RBBP5: variants seen among roughly 807,000 people sequenced by gnomAD.
RBBP5 encodes the protein retinoblastoma-binding protein 5.
RBBP5 carries 5 observed loss-of-function variants against 72.2 expected under a neutral mutation model. The observed-to-expected ratio is 0.07, with a 90% CI of 0.04 to 0.15. RBBP5 has a LOEUF of 0.15. Ranked by LOEUF, RBBP5 falls within the 10% of genes least tolerant of loss-of-function variation. RBBP5 has a pLI of 1.00. For synonymous variants in RBBP5, 209 were observed against 237.2 expected, an observed-to-expected ratio of 0.88 and a Z score of 1.09; for missense variants, 322 against 652.2, an observed-to-expected ratio of 0.49 and a Z score of 5.51.
chr1:205,096,178 G>A (rs1165626746), intron 12 of RBBP5, among the ~76,000 whole-genome samples: 1 of 152,024 alleles, frequency 6.6e-6, no homozygotes, highest in South Asian at 2.1e-4. Flanking sequence ...GGGCAACAGA[G>A]CGAGACCCTG....
At chr1:205,116,046 T>C (rs566228335) in intron 1 of RBBP5, 163 bp from the exon 2 acceptor site, 104 of 1,438,106 alleles carry the variant, frequency 7.2e-5, no homozygotes, top group Non-Finnish European at 9.1e-5. Flanking sequence ...CCTGCTAAGA[T>C]GACTTGTTTA....
At chr1:205,104,625 G>A (rs1391819151) in intron 4 of RBBP5, among the ~76,000 whole-genome samples, 3 of 151,838 alleles carry the variant, frequency 2.0e-5, no homozygotes, top group Non-Finnish European at 2.9e-5. Flanking sequence ...GACAGATCAC[G>A]AGGTCAGGAG....
At chr1:205,093,271 C>T (rs1251041298) in intron 13 of RBBP5, among the ~76,000 whole-genome samples, 1 of 150,324 alleles carries the variant, frequency 6.7e-6, no homozygotes, top group Non-Finnish European at 1.5e-5. Flanking sequence ...ATCAGCCTGA[C>T]CAACATAGTG....
chr1:205,101,761 A>AATT, intron 5 of RBBP5, 52 bp from the exon 6 acceptor site: 1 of 1,309,930 alleles, frequency 7.6e-7, no homozygotes, highest in Non-Finnish European at 1.1e-6. Flanking sequence ...AACTAACAAT[A>AATT]ATTGATTTGG....
At chr1:205,112,363 C>T (rs760804788) in intron 3 of RBBP5, among the ~76,000 whole-genome samples, 18 of 152,088 alleles carry the variant, frequency 1.2e-4, no homozygotes, top group African/African-American at 3.9e-4. Flanking sequence ...TCATCTATGA[C>T]GGCTTTTCTG....
At chr1:205,120,050 CATT>C (rs924907180) in intron 1 of RBBP5, among the ~76,000 whole-genome samples, 22 of 152,178 alleles carry the variant, frequency 1.4e-4, no homozygotes, top group African/African-American at 3.6e-4. Flanking sequence ...TCAACAGCAT[CATT>C]ATTTGCTCTC....
chr1:205,115,404 G>A (rs1375795095), intron 2 of RBBP5, among the ~76,000 whole-genome samples: 1 of 152,012 alleles, frequency 6.6e-6, no homozygotes, highest in Non-Finnish European at 1.5e-5. Context: ...TAACATTAGA[G>A]AAGTCAAATT....
chr1:205,105,882 C>G lies in RBBP5; in HGVS notation c.219-714G>C, dbSNP rs117509205. Among the ~76,000 whole-genome samples the G allele has an allele frequency of 5.3e-4, 80 of 152,330 alleles. 2 individuals carry two copies. The East Asian group carries it at 0.012, about 24-fold the overall frequency. ...AAACTTTAAGACAATAACCAACCTA[C>G]GCCAGCCAAACATCACAGAAAAGAA... On this transcript the variant is annotated intron_variant, in intron 3 of 13. Coordinates refer to ENST00000264515, the MANE Select transcript of RBBP5 (RefSeq NM_005057.4).
At chr1:205,104,893 A>C in intron 4 of RBBP5, 135 bp downstream of exon 4, 1 of 1,041,558 alleles carries the variant, frequency 9.6e-7, no homozygotes, top group East Asian at 2.4e-5. Flanking sequence ...ACCTAGATGG[A>C]AAGATTATTT....
chr1:205,100,369 A>C, intron 6 of RBBP5, 98 bp from the exon 7 acceptor site: 1 of 1,392,826 alleles, frequency 7.2e-7, no homozygotes, highest in Non-Finnish European at 9.7e-7. Context: ...AGGAAAAATC[A>C]AAGTAATAGA....
chr1:205,121,409 T>A (rs147594109), intron 1 of RBBP5, among the ~76,000 whole-genome samples: 323 of 152,340 alleles, frequency 2.1e-3, no homozygotes, highest in African/African-American at 7.0e-3. Flanking sequence ...ATCTGTTCAA[T>A]GAGAAGCTTC....
At chr1:205,112,765 G>C (rs916387224) in intron 3 of RBBP5, among the ~76,000 whole-genome samples, 2 of 152,160 alleles carry the variant, frequency 1.3e-5, no homozygotes, top group Non-Finnish European at 2.9e-5. Context: ...TGTCGAGACA[G>C]TATTAGGAGG....
chr1:205,100,407 T>A, intron 6 of RBBP5, 136 bp from the exon 7 acceptor site: 1 of 1,113,988 alleles, frequency 9.0e-7, no homozygotes, highest in Non-Finnish European at 1.2e-6. Flanking sequence ...CTACTTGTCA[T>A]CTCCCAAACC....
chr1:205,104,890 T>C (rs6683762), intron 4 of RBBP5, 138 bp downstream of exon 4: 859,577 of 999,646 alleles, frequency 0.86, 372,505 homozygotes, highest in East Asian at 0.97. Flanking sequence ...CCAACCTAGA[T>C]GGAAAGATTA....
intron 3 of RBBP5, among the ~76,000 whole-genome samples, chr1:205,109,830 T>C (rs1234266566): frequency 1.3e-5 from 2 of 152,154 alleles, no homozygotes; most frequent in African/African-American, 2.4e-5. Context: ...AGTCTACCTA[T>C]GGCCCCCATC....
At chr1:205,094,433 C>T (rs571441653) in intron 13 of RBBP5, among the ~76,000 whole-genome samples, 8 of 152,118 alleles carry the variant, frequency 5.3e-5, no homozygotes, top group Non-Finnish European at 1.2e-4. Context: ...CAGTCAAGGA[C>T]TATATAAAAC....
intron 1 of RBBP5, 112 bp from the exon 2 acceptor site, chr1:205,115,995 C>T (rs559300012): frequency 6.8e-5 from 110 of 1,606,606 alleles, no homozygotes; most frequent in South Asian, 6.7e-4. Flanking sequence ...GGATATGATG[C>T]CCTTTCAGGC....
chr1:205,103,084 G>C (rs1655908760), intron 5 of RBBP5, among the ~76,000 whole-genome samples: 1 of 151,550 alleles, frequency 6.6e-6, no homozygotes, highest in South Asian at 2.1e-4. Flanking sequence ...GAGGTGGGCG[G>C]ATCACTTGAG....
chr1:205,103,957 T>C lies in RBBP5; in HGVS notation c.422A>G (p.Lys141Arg), dbSNP rs1655948586. 1 of 1,614,056 alleles carries C rather than the reference T, an allele frequency of 6.2e-7. No individual in the cohort carries two copies. The highest frequency in any genetic ancestry group is 1.3e-5 in the African/African-American group (1 of 74,916). ...APVMLTLSDS[K>R]HVVLPVDDDS... Reference sequence around the variant, plus strand: ...ATCGTCCACCGGCAGAACAACATGTTTGGAATCTGAAAGGGTCAACATGAC... The same window carrying C: ...ATCGTCCACCGGCAGAACAACATGTCTGGAATCTGAAAGGGTCAACATGAC... Residue 141 changes from lysine to arginine, a missense_variant, in exon 5 of 14, where the codon AAA (lysine) becomes AGA (arginine). This residue lies in a region of RBBP5 where 161 missense variants were observed against 327.8 expected (regional missense o/e 0.49). Coordinates refer to ENST00000264515, the MANE Select transcript of RBBP5 (RefSeq NM_005057.4).
Sources: allele counts gnomAD v4.1 joint callset (sites outside exome capture counted in the v4.1 genomes callset), GRCh38; gene constraint gnomAD v4.1.1; regional missense constraint gnomAD v4.1.1; transcripts MANE v1.5; gene names NCBI Gene and HGNC (gene_info 2026-07-23, HGNC 2026-07-21).